ATR: variants seen among roughly 807,000 people sequenced by gnomAD.
The protein encoded by ATR is serine/threonine-protein kinase ATR.
ATR carries 142 observed loss-of-function variants against 305.3 expected under a neutral mutation model. The ratio of observed to expected loss-of-function variants is 0.47; its 90% CI spans 0.41 to 0.53. ATR has a LOEUF of 0.53. Among genes scored for constraint, ATR ranks in the 20% least tolerant of loss-of-function variants. ATR has a pLI of 0.00. For missense variants in ATR, 2,135 were observed against 3,133.1 expected, an observed-to-expected ratio of 0.68 and a Z score of 7.60; for synonymous variants, 1,050 against 1,068.1, an observed-to-expected ratio of 0.98 and a Z score of 0.33.
intron 21 of ATR, among the ~76,000 whole-genome samples, chr3:142,527,013 C>A (rs999557180): frequency 1.3e-5 from 2 of 151,886 alleles, no homozygotes; most frequent in East Asian, 1.9e-4. Context: ...GGTCTCGAAC[C>A]CTTGGGCTCA....
chr3:142,467,839 G>A (rs2071165748), intron 39 of ATR, 95 bp downstream of exon 39: 3 of 1,433,580 alleles, frequency 2.1e-6, no homozygotes, highest in Non-Finnish European at 2.9e-6. Context: ...CCTATAGTTA[G>A]AATTTTAATT....
intron 16 of ATR, among the ~76,000 whole-genome samples, chr3:142,543,148 T>C (rs1035939338): frequency 6.6e-6 from 1 of 152,068 alleles, no homozygotes; most frequent in Non-Finnish European, 1.5e-5. Context: ...TTCTATGACA[T>C]TTAGAGCTAT....
In ATR at chr3:142,453,246, CAA is replaced by C. The variant is rs752648278; in HGVS notation, c.7656-15_7656-14del. On this transcript the variant is annotated splice_polypyrimidine_tract_variant and intron_variant, in intron 45 of 46. Coordinates refer to ENST00000350721, the MANE Select transcript of ATR (RefSeq NM_001184.4). Reference sequence around the variant, plus strand: ...AGTCTTTAAGACACTAAAATTGAAACAAATATTATGGTATGATGTTATCTTTG... The same window carrying C: ...AGTCTTTAAGACACTAAAATTGAAACATATTATGGTATGATGTTATCTTTG... 1.6e-5 allele frequency: 25 copies of C among 1,609,334 alleles called. No homozygotes were observed. The highest frequency in any genetic ancestry group is 2.1e-5 in the Non-Finnish European group (25 of 1,175,918).
chr3:142,558,318 T>A (rs779819275), intron 8 of ATR, among the ~76,000 whole-genome samples: 1 of 151,482 alleles, frequency 6.6e-6, no homozygotes, highest in Non-Finnish European at 1.5e-5. Flanking sequence ...AGGTCAGGAG[T>A]TCGAGACCAG....
intron 21 of ATR, among the ~76,000 whole-genome samples, chr3:142,524,574 G>A (rs568355261): frequency 6.6e-6 from 1 of 152,172 alleles, no homozygotes; most frequent in East Asian, 1.9e-4. Flanking sequence ...TACTTGTACG[G>A]CAAAGAAGCA....
intron 34 of ATR, among the ~76,000 whole-genome samples, chr3:142,495,329 A>T (rs2031520155): frequency 6.6e-6 from 1 of 152,230 alleles, no homozygotes; most frequent in South Asian, 2.1e-4. Flanking sequence ...GTGTAACCAC[A>T]AATGGCACCA....
At chr3:142,478,223 AT>A (rs2030057949) in intron 36 of ATR, among the ~76,000 whole-genome samples, 3 of 152,226 alleles carry the variant, frequency 2.0e-5, no homozygotes, top group Non-Finnish European at 4.4e-5. Flanking sequence ...TCTTGTGGGC[AT>A]TTAGTGCTAT....
At position 142,556,303 on chromosome 3, in the gene ATR, A is replaced by T. The variant is rs955515868; in HGVS notation, c.2078+80T>A. 9.2e-6 allele frequency: 14 copies of T among 1,522,470 alleles called. No individual in the cohort carries two copies. The Admixed American group carries it at 1.6e-4, about 17-fold the overall frequency. The allele number at this position is 1,522,470 out of a possible 1,614,324, so 94.3% of individuals were successfully genotyped here. On this transcript the variant is annotated intron_variant, in intron 9 of 46. Coordinates refer to ENST00000350721, the MANE Select transcript of ATR (RefSeq NM_001184.4). ...ATTTGCTTTACATATTCAACAATAA[A>T]CACAACCCTGCATACATAGCCAGAC...
At chr3:142,480,455 C>A (rs1458799881) in intron 36 of ATR, among the ~76,000 whole-genome samples, 1 of 152,200 alleles carries the variant, frequency 6.6e-6, no homozygotes, top group Non-Finnish European at 1.5e-5. Flanking sequence ...GAGGTTTCGT[C>A]TCAAAGGGGT....
chr3:142,568,566 A>C (rs1389434693), intron 1 of ATR, among the ~76,000 whole-genome samples: 1 of 152,126 alleles, frequency 6.6e-6, no homozygotes, highest in African/African-American at 2.4e-5. Flanking sequence ...TCTGAGGTGC[A>C]AGACAGGTGG....
intron 22 of ATR, 61 bp downstream of exon 22, chr3:142,523,932 A>G: frequency 6.6e-7 from 1 of 1,516,976 alleles, no homozygotes; most frequent in African/African-American, 1.4e-5. Flanking sequence ...TTTGTAAATG[A>G]AATATATAAA....
At chr3:142,538,354 T>C (rs958400669) in intron 19 of ATR, 128 bp downstream of exon 19, 1 of 979,010 alleles carries the variant, frequency 1.0e-6, no homozygotes, top group East Asian at 2.6e-5. Flanking sequence ...ACATGCCAAT[T>C]ACTTTTGTTT....
chr3:142,514,402 G>A (rs2108377544), intron 25 of ATR, among the ~76,000 whole-genome samples: 1 of 151,708 alleles, frequency 6.6e-6, no homozygotes. Flanking sequence ...GGCAGAGGCG[G>A]GCAGATCACC....
rs181758273 is a variant in ATR, at chr3:142,544,256, G to A, written c.3358-1499C>T. On this transcript the variant is annotated intron_variant, in intron 16 of 46. Transcript: ENST00000350721. ...GTGGATTACATGAGCTCAGAAGTTT[G>A]AGACCAGCCTGGGTAACATGGCAAA... Among the ~76,000 whole-genome samples the A allele has an allele frequency of 1.2e-3, 178 of 151,560 alleles. 1 individual carries two copies. The highest frequency in any genetic ancestry group is 4.2e-3 in the African/African-American group (174 of 41,336).
At chr3:142,563,219 G>A in intron 3 of ATR, 110 bp from the exon 4 acceptor site, 1 of 1,101,336 alleles carries the variant, frequency 9.1e-7, no homozygotes, top group Non-Finnish European at 1.3e-6. Context: ...ACTAACAAGA[G>A]TGTAAAACAT....
chr3:142,465,245 A>C lies in ATR; in HGVS notation c.6898-5T>G. 1 of 1,608,578 alleles carries C rather than the reference A, an allele frequency of 6.2e-7. No individual in the cohort carries two copies. Among genetic ancestry groups the C allele is most frequent in the Non-Finnish European group, 8.5e-7 (1 of 1,176,672 alleles). ...AAGAGAAGCAAGAATTTCCACCTAA[A>C]AGATGATGAGTTATATATGAATTAG... On this transcript the variant is annotated splice_polypyrimidine_tract_variant and splice_region_variant and intron_variant, in intron 40 of 46. Transcript: ENST00000350721.
chr3:142,571,685 T>G (rs2035267306), intron 1 of ATR, among the ~76,000 whole-genome samples: 1 of 152,162 alleles, frequency 6.6e-6, no homozygotes, highest in Non-Finnish European at 1.5e-5. Flanking sequence ...ATGTCACAAT[T>G]TATTTCTATA....
chr3:142,525,013 T>C (rs936829813), intron 21 of ATR, among the ~76,000 whole-genome samples: 1 of 152,192 alleles, frequency 6.6e-6, no homozygotes, highest in African/African-American at 2.4e-5. Context: ...ATTACTGTAA[T>C]ACATTTCAAA....
At position 142,507,399 on chromosome 3, in the gene ATR, C is replaced by T. The variant is rs146297680; in HGVS notation, c.5031+532G>A. On this transcript the variant is annotated intron_variant, in intron 28 of 46. Transcript: ENST00000350721. ...ACTCTCACAAGGAGAAGAGTAATTC[C>T]TTGAATCATAGCCCTTCCAAACTCC... 1.9e-3 allele frequency among the ~76,000 whole-genome samples: 283 copies of T among 152,314 alleles called. 1 individual carries two copies. Among genetic ancestry groups the T allele is most frequent in the African/African-American group, 6.5e-3 (271 of 41,582 alleles).
Sources: allele counts gnomAD v4.1 joint callset (sites outside exome capture counted in the v4.1 genomes callset), GRCh38; gene constraint gnomAD v4.1.1; transcripts MANE v1.5; gene names NCBI Gene and HGNC (gene_info 2026-07-23, HGNC 2026-07-21).